Variants in ANKRD12 observed in about 807,000 individuals in gnomAD.
ANKRD12 encodes the protein ankyrin repeat domain 12.
ANKRD12 carries 85 observed loss-of-function variants against 183.4 expected under a neutral mutation model. That is an observed-to-expected ratio of 0.46 (90% CI 0.39 to 0.56). The LOEUF (loss-of-function observed/expected upper bound fraction) is 0.56. Among genes scored for constraint, ANKRD12 ranks in the 20% least tolerant of loss-of-function variants. ANKRD12 has a pLI of 0.00. For synonymous variants in ANKRD12, 914 were observed against 800.2 expected (o/e 1.14, Z -2.40); for missense variants, 2,405 against 2,357.1 (o/e 1.02, Z -0.42).
intron 1 of ANKRD12, among the ~76,000 whole-genome samples, chr18:9,168,799 T>G (rs1378202596): frequency 2.0e-5 from 3 of 152,204 alleles, no homozygotes; most frequent in African/African-American, 7.2e-5. Flanking sequence ...CTAGTTCTTT[T>G]AATTGTGATG....
chr18:9,154,605 G>GGGT (rs2030116164), intron 1 of ANKRD12, among the ~76,000 whole-genome samples: 1 of 152,180 alleles, frequency 6.6e-6, no homozygotes, highest in South Asian at 2.1e-4. Flanking sequence ...TAGAAGATGG[G>GGGT]GGTGTGTATA....
chr18:9,216,693 A>G, intron 6 of ANKRD12, 65 bp from the exon 7 acceptor site: 1 of 1,528,274 alleles, frequency 6.5e-7, no homozygotes, highest in Non-Finnish European at 9.0e-7. Flanking sequence ...ATTGGTATGT[A>G]TATGAAAAGC....
chr18:9,170,565 C>T (rs2143966311), intron 1 of ANKRD12, among the ~76,000 whole-genome samples: 1 of 152,276 alleles, frequency 6.6e-6, no homozygotes, highest in South Asian at 2.1e-4. Flanking sequence ...CCATCAGGTC[C>T]TTTAAGGACT....
intron 2 of ANKRD12, among the ~76,000 whole-genome samples, chr18:9,182,806 A>G (rs2033793296): frequency 6.6e-6 from 1 of 152,070 alleles, no homozygotes; most frequent in Non-Finnish European, 1.5e-5. Context: ...ATGACCTGTA[A>G]TTCTGTCTTT....
intron 1 of ANKRD12, among the ~76,000 whole-genome samples, chr18:9,147,346 T>G (rs1281088272): frequency 6.6e-6 from 1 of 152,254 alleles, no homozygotes; most frequent in African/African-American, 2.4e-5. Flanking sequence ...GAGCAATACT[T>G]AAGATTAGCA....
chr18:9,276,893 T>C (rs1307227458), intron 11 of ANKRD12, among the ~76,000 whole-genome samples: 1 of 152,172 alleles, frequency 6.6e-6, no homozygotes, highest in East Asian at 1.9e-4. Context: ...TATTTAAAGA[T>C]GTTTAAAGGG....
At chr18:9,161,738 ATGTG>A (rs372785729) in intron 1 of ANKRD12, among the ~76,000 whole-genome samples, 3 of 148,366 alleles carry the variant, frequency 2.0e-5, no homozygotes, top group Non-Finnish European at 3.0e-5. Context: ...TGATATGTTG[ATGTG>A]TGTGTGTGTG....
chr18:9,141,752 G>A (rs1039193402), intron 1 of ANKRD12, among the ~76,000 whole-genome samples: 7 of 152,016 alleles, frequency 4.6e-5, no homozygotes, highest in Admixed American at 4.6e-4. Context: ...TACCTTTCTG[G>A]TTTTCAGTGT....
chr18:9,186,140 T>TTTTTTTTTTTTTTTTTTTTTTTG (rs1403723317), intron 2 of ANKRD12, among the ~76,000 whole-genome samples: 1 of 146,534 alleles, frequency 6.8e-6, no homozygotes. Context: ...AAGTGTGATT[T>TTTTTTTTTTTTTTTTTTTTTTTG]TTTTTTTTTT....
At chr18:9,168,721 C>T (rs1368031266) in intron 1 of ANKRD12, among the ~76,000 whole-genome samples, 1 of 152,154 alleles carries the variant, frequency 6.6e-6, no homozygotes, top group African/African-American at 2.4e-5. Context: ...CTATTTCCTT[C>T]AGTTCTGCTC....
At chr18:9,166,025 C>T (rs2032022358) in intron 1 of ANKRD12, among the ~76,000 whole-genome samples, 1 of 151,984 alleles carries the variant, frequency 6.6e-6, no homozygotes, top group South Asian at 2.1e-4. Context: ...CCAGTTTCAT[C>T]CATGTCCCTA....
chr18:9,162,599 G>A (rs1296468948), intron 1 of ANKRD12, among the ~76,000 whole-genome samples: 2 of 152,014 alleles, frequency 1.3e-5, no homozygotes, highest in Non-Finnish European at 2.9e-5. Context: ...TGGTATTTCT[G>A]CCTCTAGATC....
intron 2 of ANKRD12, among the ~76,000 whole-genome samples, chr18:9,193,676 T>A (rs2034601090): frequency 6.6e-6 from 1 of 152,214 alleles, no homozygotes; most frequent in Admixed American, 6.5e-5. Flanking sequence ...TCCTCATCCC[T>A]CCTTTATTTT....
chr18:9,166,485 T>G (rs2032081157), intron 1 of ANKRD12, among the ~76,000 whole-genome samples: 1 of 152,212 alleles, frequency 6.6e-6, no homozygotes, highest in Non-Finnish European at 1.5e-5. Flanking sequence ...TGATGAGCAT[T>G]TTTTCATGTG....
chr18:9,279,159 G>A (rs893859652), intron 11 of ANKRD12, among the ~76,000 whole-genome samples: 5 of 152,178 alleles, frequency 3.3e-5, no homozygotes, highest in African/African-American at 1.2e-4. Flanking sequence ...TGGCCTCAAA[G>A]GCAGCTCTCT....
At chr18:9,192,125 A>G (rs1328715703) in intron 2 of ANKRD12, among the ~76,000 whole-genome samples, 1 of 152,182 alleles carries the variant, frequency 6.6e-6, no homozygotes, top group Non-Finnish European at 1.5e-5. Context: ...CCATAGCAGT[A>G]ATATCCTGAT....
chr18:9,176,319 A>T (rs1159791265), intron 1 of ANKRD12, among the ~76,000 whole-genome samples: 1 of 151,874 alleles, frequency 6.6e-6, no homozygotes, highest in Non-Finnish European at 1.5e-5. Context: ...CTCAGGTTGG[A>T]GTAGCTCTGT....
chr18:9,265,710 G>A (rs570104263), intron 10 of ANKRD12, among the ~76,000 whole-genome samples: 95 of 152,304 alleles, frequency 6.2e-4, no homozygotes, highest in African/African-American at 2.2e-3. Flanking sequence ...AAAAATCAGA[G>A]CGCCTCTCCT....
chr18:9,258,862 C>T lies in ANKRD12; in HGVS notation c.5595C>T (p.Asp1865=), dbSNP rs149491789. 1.1e-3 allele frequency: 1,770 copies of T among 1,613,514 alleles called. 13 individuals carry two copies. Among genetic ancestry groups the T allele is most frequent in the Admixed American group, 6.0e-4 (36 of 59,914 alleles). Residue 1865 remains aspartate (D), a synonymous_variant, in exon 9 of 13, where the codon GAC becomes GAT. Transcript: ENST00000262126. The stretch of plus-strand genomic sequence containing the variant: ...TTCCTCAAGCACCTCAGTACTATGA[C>T]GAATATGTAACATTTAACGGATCAT... The part of the protein sequence containing the change: ...SVIPQAPQYY[D]EYVTFNGSYL...
Sources: allele counts gnomAD v4.1 joint callset (sites outside exome capture counted in the v4.1 genomes callset), GRCh38; gene constraint gnomAD v4.1.1; transcripts MANE v1.5; gene names NCBI Gene and HGNC (gene_info 2026-07-23, HGNC 2026-07-21).